ICE1: variants seen among roughly 807,000 people sequenced by gnomAD.
ICE1 encodes the protein interactor of little elongation complex ELL subunit 1.
A neutral mutation model predicts 192.7 loss-of-function variants in ICE1; 64 were observed. The observed-to-expected ratio is 0.33, with a 90% CI of 0.27 to 0.41. ICE1 has a LOEUF of 0.41. Ranked by LOEUF, ICE1 falls within the 10% of genes least tolerant of loss-of-function variation. ICE1 has a pLI of 1.00. For missense variants in ICE1, 2,708 were observed against 2,696.0 expected (o/e 1.00, Z -0.10); for synonymous variants, 1,010 against 984.5 (o/e 1.03, Z -0.49).
Position 5,461,217 on chromosome 5 carries a change from C to A in ICE1, c.1883C>A (p.Thr628Asn). Reference protein sequence around the residue: ...GMDVAGLDIETSFSSSSTLVA... With the variant: ...GMDVAGLDIENSFSSSSTLVA... ...GATGTAGCAGGGCTTGACATTGAAA[C>A]CAGTTTTTCTTCCTCTTCTACCTTG... Residue 628 changes from threonine (T) to asparagine (N), a missense_variant, in exon 13 of 19, where the codon ACC becomes AAC. Transcript: ENST00000296564. The A allele has an allele frequency of 6.2e-7, 1 of 1,613,982 alleles. No individual in the cohort carries two copies. The highest frequency in any genetic ancestry group is 8.5e-7 in the Non-Finnish European group (1 of 1,179,886).
At chr5:5,447,968 C>T (rs1375027425) in intron 10 of ICE1, 71 bp downstream of exon 10, 2 of 1,216,562 alleles carry the variant, frequency 1.6e-6, no homozygotes, top group Non-Finnish European at 2.3e-6. Context: ...GTGTTTTGCT[C>T]CTACATATAA....
At chr5:5,460,018 A>G (rs924810415) in intron 12 of ICE1, among the ~76,000 whole-genome samples, 1 of 152,156 alleles carries the variant, frequency 6.6e-6, no homozygotes, top group Non-Finnish European at 1.5e-5. Context: ...TGTACCGGGC[A>G]CAAGTCAGAC....
In ICE1 at chr5:5,475,969, A is replaced by G. The variant is rs1448918415; in HGVS notation, c.6414-4A>G. The G allele has an allele frequency of 1.3e-6, 2 of 1,576,680 alleles. No homozygotes were observed. Among genetic ancestry groups the G allele is most frequent in the Non-Finnish European group, 1.7e-6 (2 of 1,149,416 alleles). Reference sequence around the variant, plus strand: ...ATACATCTTTTCATGTTGTTTTTTTATAGTAAGGAGCTGTGGCCTGTGATG... The same window carrying G: ...ATACATCTTTTCATGTTGTTTTTTTGTAGTAAGGAGCTGTGGCCTGTGATG... On this transcript the variant is annotated splice_polypyrimidine_tract_variant and splice_region_variant and intron_variant, in intron 16 of 18. Coordinates refer to ENST00000296564, the MANE Select transcript of ICE1 (RefSeq NM_015325.3).
At chr5:5,437,574 A>G (rs982209403) in intron 3 of ICE1, 1 of 155,466 alleles carries the variant, frequency 6.4e-6, no homozygotes, top group Non-Finnish European at 1.4e-5. Context: ...TATCTCCAAA[A>G]TCATAGAAAT....
rs747179881 is a variant in ICE1 at position 5,464,682 on chromosome 5, G to A, written c.5348G>A (p.Cys1783Tyr). The change falls in exon 13 of 19, where the codon TGT (cysteine) becomes TAT (tyrosine). Residue 1783 changes from cysteine (C) to tyrosine (Y), a missense_variant. Around this residue, in one of 2 missense-constraint regions of ICE1, gnomAD observed 2,366 missense variants for 2,276.6 expected, o/e 1.04. Transcript: ENST00000296564. The surrounding 1 kb of genome is among the most constrained non-coding windows in gnomAD (Gnocchi z 4.0). ...CTCACACGAGGTCCGCCTGCTGACT[G>A]TAAGAATTTACCGGGACCTGCCAGT... Reference protein sequence around the residue: ...IQLTRGPPADCKNLPGPASAM... With the variant: ...IQLTRGPPADYKNLPGPASAM... The A allele has an allele frequency of 8.7e-6, 14 of 1,613,836 alleles. No homozygotes were observed. The highest frequency in any genetic ancestry group is 1.1e-5 in the Non-Finnish European group (13 of 1,179,888).
At chr5:5,475,499 C>G (rs2918261) in intron 16 of ICE1, among the ~76,000 whole-genome samples, 109,710 of 152,146 alleles carry the variant, frequency 0.72, 39,977 homozygotes, top group East Asian at 0.87. Flanking sequence ...TCAGTGGAAA[C>G]TTTCTTTTAT....
At chr5:5,484,873 T>TA (rs1272615524) in intron 17 of ICE1, among the ~76,000 whole-genome samples, 1 of 152,184 alleles carries the variant, frequency 6.6e-6, no homozygotes, top group Non-Finnish European at 1.5e-5. Flanking sequence ...TACAATATGA[T>TA]ACTGTTGTAA....
At position 5,461,647 on chromosome 5, in the gene ICE1, A is replaced by G. The variant is rs769934931; in HGVS notation, c.2313A>G (p.Leu771=). ...TAAATAAGCCAGATTTCACATCATTAATAGGTTCTCAGGCTGCCTTGATCA... is the reference window on the plus strand; with the variant it reads ...TAAATAAGCCAGATTTCACATCATTGATAGGTTCTCAGGCTGCCTTGATCA... The part of the protein sequence containing the change: ...LTLNKPDFTS[L]IGSQAALIKS... The change falls in exon 13 of 19, where the codon TTA becomes TTG. Residue 771 remains leucine, a synonymous_variant. Coordinates refer to ENST00000296564, the MANE Select transcript of ICE1 (RefSeq NM_015325.3). The G allele has an allele frequency of 1.2e-6, 2 of 1,613,800 alleles. No homozygotes were observed. Among genetic ancestry groups the G allele is most frequent in the Non-Finnish European group, 1.7e-6 (2 of 1,179,810 alleles).
chr5:5,426,965 G>T (rs2111328018), intron 1 of ICE1, among the ~76,000 whole-genome samples: 1 of 152,284 alleles, frequency 6.6e-6, no homozygotes, highest in Non-Finnish European at 1.5e-5. Flanking sequence ...CTTTCCAATG[G>T]TAGGCAACCA....
chr5:5,464,532 C>T lies in ICE1; in HGVS notation c.5198C>T (p.Pro1733Leu), dbSNP rs574125676. ...HALPVPGRLPPCASGHAAVGG... is the reference protein window; with the variant it reads ...HALPVPGRLPLCASGHAAVGG... ...CTTCCTGTGCCTGGCCGACTCCCAC[C>T]CTGTGCATCTGGCCACGCTGCTGTG... is the stretch of plus-strand genomic sequence containing the variant. Residue 1733 changes from proline (P) to leucine (L), a missense_variant, in exon 13 of 19, where the codon CCC (proline) becomes CTC (leucine). Transcript: ENST00000296564. This position sits in a 1 kb window ranked among gnomAD's most constrained non-coding sequence, Gnocchi z 4.0. The T allele has an allele frequency of 3.7e-6, 6 of 1,613,952 alleles. No individual in the cohort carries two copies. Among genetic ancestry groups the T allele is most frequent in the South Asian group, 2.2e-5 (2 of 91,082 alleles).
intron 18 of ICE1, among the ~76,000 whole-genome samples, 186 bp downstream of exon 18, chr5:5,487,005 ATTAC>A (rs1349067067): frequency 1.3e-5 from 2 of 152,052 alleles, no homozygotes; most frequent in Non-Finnish European, 2.9e-5. Context: ...GTGGTATTTG[ATTAC>A]TTAAATAAAA....
rs753769399 is a variant in ICE1, at chr5:5,463,402, C to T, written c.4068C>T (p.Thr1356=). 15 of 1,613,534 alleles carry T rather than the reference C, an allele frequency of 9.3e-6. No individual in the cohort carries two copies. The highest frequency in any genetic ancestry group is 6.6e-5 in the South Asian group (6 of 91,006). ...CCCGTTCAGATGCAGGCAGGCAAAC[C>T]GATGGTGGGGAAGAAGACCTGCCAG... ...PEARSDAGRQ[T]DGGEEDLPEP... The change falls in exon 13 of 19, where the codon ACC becomes ACT. Residue 1356 remains threonine, a synonymous_variant. Coordinates refer to ENST00000296564, the MANE Select transcript of ICE1 (RefSeq NM_015325.3).
At chr5:5,478,691 A>T (rs1006653541) in intron 17 of ICE1, among the ~76,000 whole-genome samples, 32 of 152,350 alleles carry the variant, frequency 2.1e-4, no homozygotes, top group African/African-American at 7.0e-4. Context: ...GTAGACTTCA[A>T]ACTATACTAA....
chr5:5,427,761 G>C (rs569268466), intron 1 of ICE1, among the ~76,000 whole-genome samples: 1 of 152,160 alleles, frequency 6.6e-6, no homozygotes, highest in African/African-American at 2.4e-5. Context: ...ATTGAGCTTC[G>C]ATGTATATAT....
chr5:5,482,553 C>T (rs998924467), intron 17 of ICE1, among the ~76,000 whole-genome samples: 1 of 152,192 alleles, frequency 6.6e-6, no homozygotes, highest in African/African-American at 2.4e-5. Flanking sequence ...TGGGCTGCCA[C>T]GTGTGCACAG....
intron 10 of ICE1, among the ~76,000 whole-genome samples, chr5:5,454,349 A>G (rs1049923581): frequency 5.3e-5 from 8 of 152,174 alleles, no homozygotes; most frequent in African/African-American, 1.9e-4. Flanking sequence ...AAACAAAAGT[A>G]CCTTCAGCCT....
Position 5,448,253 on chromosome 5 carries a change from A to G in ICE1, c.604+356A>G, listed in dbSNP as rs559281118. On this transcript the variant is annotated intron_variant, in intron 10 of 18. Coordinates refer to ENST00000296564, the MANE Select transcript of ICE1 (RefSeq NM_015325.3). ...GGTACCAAGTATATAAGAAAATGTT[A>G]AAGTCAGGCAGGAAAACTATAGAAT... 5.3e-5 allele frequency among the ~76,000 whole-genome samples: 8 copies of G among 152,334 alleles called. No individual in the cohort carries two copies. The South Asian group carries it at 8.3e-4, about 16-fold the overall frequency.
chr5:5,464,335 C>T lies in ICE1; in HGVS notation c.5001C>T (p.Gly1667=). 6.2e-7 allele frequency: 1 copy of T among 1,613,726 alleles called. No individual in the cohort carries two copies. The highest frequency in any genetic ancestry group is 8.5e-7 in the Non-Finnish European group (1 of 1,179,828). Residue 1667 remains glycine, a synonymous_variant, in exon 13 of 19, where the codon GGC becomes GGT. Transcript: ENST00000296564. This position sits in a 1 kb window ranked among gnomAD's most constrained non-coding sequence, Gnocchi z 4.0. The part of the protein sequence containing the change: ...SSPSSPASPV[G]QVSPFRETPV... ...CTTCCTCACCAGCCTCTCCTGTTGG[C>T]CAGGTTTCTCCCTTCCGTGAAACCC...
chr5:5,447,122 G>A (rs765523338), intron 7 of ICE1, among the ~76,000 whole-genome samples: 1 of 152,064 alleles, frequency 6.6e-6, no homozygotes, highest in Non-Finnish European at 1.5e-5. Context: ...GAAATGGGAC[G>A]GCAACTCCCT....
Sources: allele counts gnomAD v4.1 joint callset (sites outside exome capture counted in the v4.1 genomes callset), GRCh38; gene constraint gnomAD v4.1.1; regional missense constraint gnomAD v4.1.1; non-coding constraint Gnocchi (gnomAD v3.1); transcripts MANE v1.5; gene names NCBI Gene and HGNC (gene_info 2026-07-23, HGNC 2026-07-21).